COP1: variants seen among roughly 807,000 people sequenced by gnomAD.
COP1 encodes the protein E3 ubiquitin-protein ligase COP1.
In COP1, 24 loss-of-function variants were observed where a neutral mutation model predicts 101.3. The observed-to-expected ratio is 0.24, with a 90% confidence interval of 0.17 to 0.33. COP1 has a LOEUF of 0.33. Ranked by LOEUF, COP1 falls within the 10% of genes least tolerant of loss-of-function variation. The probability of loss-of-function intolerance (pLI) is 1.00; values close to 1 mark genes in which losing one functional copy is unlikely to be tolerated. For missense variants in COP1, 663 were observed against 906.2 expected, an observed-to-expected ratio of 0.73 and a Z score of 3.45; for synonymous variants, 347 against 341.9, an observed-to-expected ratio of 1.01 and a Z score of -0.17.
chr1:175,992,730 A>G (rs1176510813), intron 15 of COP1, among the ~76,000 whole-genome samples: 2 of 152,208 alleles, frequency 1.3e-5, no homozygotes, highest in Admixed American at 1.3e-4. Context: ...GCTTAGGTAA[A>G]CAAAGCAGCT....
At chr1:176,121,681 C>T (rs754072267) in intron 8 of COP1, among the ~76,000 whole-genome samples, 1 of 152,056 alleles carries the variant, frequency 6.6e-6, no homozygotes, top group Non-Finnish European at 1.5e-5. Flanking sequence ...GATTTTGATG[C>T]AAAATCCAAC....
At chr1:175,975,211 T>C (rs1654231467) in intron 18 of COP1, among the ~76,000 whole-genome samples, 1 of 152,094 alleles carries the variant, frequency 6.6e-6, no homozygotes, top group African/African-American at 2.4e-5. Flanking sequence ...TTTTGATAGA[T>C]TTCATTTGAT....
At chr1:176,022,398 GA>G (rs528889376) in intron 15 of COP1, among the ~76,000 whole-genome samples, 736 of 152,138 alleles carry the variant, frequency 4.8e-3, no homozygotes, top group African/African-American at 0.016. Flanking sequence ...CAATGTTTAA[GA>G]AAAGTACAGC....
At chr1:176,030,311 G>T (rs1668447496) in intron 14 of COP1, among the ~76,000 whole-genome samples, 1 of 152,132 alleles carries the variant, frequency 6.6e-6, no homozygotes, top group Non-Finnish European at 1.5e-5. Context: ...AGCACTTAAA[G>T]ATTAGATTAT....
At chr1:176,097,111 A>C (rs1373200416) in intron 9 of COP1, among the ~76,000 whole-genome samples, 1 of 152,170 alleles carries the variant, frequency 6.6e-6, no homozygotes, top group Non-Finnish European at 1.5e-5. Flanking sequence ...GTCAGGTAAT[A>C]GGGGATTTAA....
chr1:176,130,914 C>T (rs984204071), intron 8 of COP1, among the ~76,000 whole-genome samples: 2 of 151,734 alleles, frequency 1.3e-5, no homozygotes, highest in African/African-American at 4.8e-5. Flanking sequence ...AATTCTATCT[C>T]CTGCTTCCTT....
intron 9 of COP1, among the ~76,000 whole-genome samples, chr1:176,095,193 A>G (rs913531594): frequency 1.1e-4 from 17 of 152,252 alleles, no homozygotes; most frequent in African/African-American, 4.1e-4. Context: ...AAATAATAAA[A>G]CAAATTAACT....
At chr1:175,952,204 C>CT (rs1650020117) in intron 18 of COP1, among the ~76,000 whole-genome samples, 1 of 152,044 alleles carries the variant, frequency 6.6e-6, no homozygotes, top group Admixed American at 6.6e-5. Context: ...GGCGGATCGC[C>CT]TGAGGTCAGG....
At chr1:176,049,464 C>A (rs191290339) in intron 11 of COP1, among the ~76,000 whole-genome samples, 4 of 151,874 alleles carry the variant, frequency 2.6e-5, no homozygotes, top group Admixed American at 2.6e-4. Context: ...GTAACAAGAT[C>A]CTTTTATACT....
At chr1:176,112,817 T>C (rs966202561) in intron 9 of COP1, among the ~76,000 whole-genome samples, 1 of 152,156 alleles carries the variant, frequency 6.6e-6, no homozygotes, top group East Asian at 1.9e-4. Context: ...TGATGTTTGT[T>C]TGTCTTTCAG....
chr1:175,957,443 G>C (rs957773700), intron 18 of COP1, among the ~76,000 whole-genome samples: 3 of 152,172 alleles, frequency 2.0e-5, no homozygotes, highest in Non-Finnish European at 4.4e-5. Context: ...TAGCCTAGGA[G>C]CAACAGGCTA....
chr1:176,090,041 G>A (rs1446395144), intron 9 of COP1, among the ~76,000 whole-genome samples: 2 of 152,174 alleles, frequency 1.3e-5, no homozygotes, highest in African/African-American at 4.8e-5. Flanking sequence ...AGCCACCTAT[G>A]AGACTTCATC....
intron 10 of COP1, among the ~76,000 whole-genome samples, chr1:176,085,165 A>G (rs1205665901): frequency 6.6e-6 from 1 of 152,150 alleles, no homozygotes; most frequent in Non-Finnish European, 1.5e-5. Context: ...TATCTTTTTC[A>G]GTTAATTCAT....
intron 15 of COP1, among the ~76,000 whole-genome samples, chr1:176,015,796 A>G (rs1665526281): frequency 6.6e-6 from 1 of 152,154 alleles, no homozygotes; most frequent in African/African-American, 2.4e-5. Flanking sequence ...AGTAATATGG[A>G]GGTAATTTGG....
chr1:176,026,430 T>C (rs554289077), intron 15 of COP1, among the ~76,000 whole-genome samples: 38 of 152,188 alleles, frequency 2.5e-4, no homozygotes, highest in African/African-American at 9.1e-4. Flanking sequence ...TCTACCTCTA[T>C]GTTACAGATA....
chr1:176,016,558 T>C (rs1665684776), intron 15 of COP1, among the ~76,000 whole-genome samples: 1 of 152,118 alleles, frequency 6.6e-6, no homozygotes, highest in South Asian at 2.1e-4. Context: ...TTCTTCTCCT[T>C]CTCTGTCTCT....
chr1:176,027,458 A>T, intron 15 of COP1, 114 bp downstream of exon 15: 1 of 712,440 alleles, frequency 1.4e-6, no homozygotes, highest in Non-Finnish European at 2.5e-6. Context: ...AGAGCCTAAT[A>T]ATAAAAACAA....
intron 2 of COP1, among the ~76,000 whole-genome samples, chr1:176,177,338 GA>G (rs1392565703): frequency 3.2e-5 from 4 of 126,370 alleles, no homozygotes; most frequent in Non-Finnish European, 5.1e-5. Context: ...ACTGGTATGA[GA>G]AAAAAATATT....
intron 1 of COP1, among the ~76,000 whole-genome samples, chr1:176,191,652 G>A (rs994771498): frequency 2.0e-5 from 3 of 151,968 alleles, no homozygotes; most frequent in African/African-American, 7.2e-5. Context: ...TAGATCCTCT[G>A]AACCAATCTT....
Sources: gnomAD v4.1 joint callset for allele counts (sites outside exome capture counted in the v4.1 genomes callset) on GRCh38, gnomAD v4.1.1 for gene constraint, MANE v1.5 for transcripts, NCBI Gene and HGNC (gene_info 2026-07-23, HGNC 2026-07-21) for gene names.